The following AP3B1 variants were observed in gnomAD, a reference collection of about 807,000 sequenced individuals.
AP3B1 encodes the protein AP-3 complex subunit beta-1.
In AP3B1, 61 loss-of-function variants were observed where a neutral mutation model predicts 132.5. The observed-to-expected ratio is 0.46, with a 90% CI of 0.37 to 0.57. The LOEUF is 0.57. Among genes scored for constraint, AP3B1 ranks in the 20% least tolerant of loss-of-function variants. The pLI, the probability that AP3B1 is intolerant of heterozygous loss-of-function variation, is 0.00. For missense variants in AP3B1, 1,120 were observed against 1,289.4 expected (o/e 0.87, Z 2.01); for synonymous variants, 388 against 438.3 (o/e 0.89, Z 1.43).
intron 17 of AP3B1, among the ~76,000 whole-genome samples, chr5:78,117,192 T>TA (rs1389457335): frequency 6.6e-6 from 1 of 150,456 alleles, no homozygotes; most frequent in Non-Finnish European, 1.5e-5. Flanking sequence ...TTTTTTTTTT[T>TA]AATCACAGCA....
intron 17 of AP3B1, chr5:78,121,659 T>G (rs959860305): frequency 7.9e-5 from 12 of 152,152 alleles, no homozygotes; most frequent in African/African-American, 2.7e-4. Context: ...AAGTTGAATC[T>G]CTGAATAGAC....
chr5:78,014,000 A>G (rs1170616475), intron 26 of AP3B1, among the ~76,000 whole-genome samples: 2 of 152,126 alleles, frequency 1.3e-5, no homozygotes, highest in East Asian at 1.9e-4. Flanking sequence ...CGTCTCTACT[A>G]AAAATACAAA....
chr5:78,132,877 A>C (rs1752749081), intron 15 of AP3B1, among the ~76,000 whole-genome samples: 1 of 152,234 alleles, frequency 6.6e-6, no homozygotes. Context: ...ACTTTAAAAA[A>C]TATATTGCTG....
chr5:78,234,646 C>T (rs772843162), intron 3 of AP3B1, among the ~76,000 whole-genome samples: 2 of 152,212 alleles, frequency 1.3e-5, no homozygotes, highest in Admixed American at 1.3e-4. Context: ...TTTATCCCAT[C>T]TGCCTGGAAG....
Position 78,181,670 on chromosome 5 carries a change from G to C in AP3B1, c.787-8C>G. 1 of 1,610,098 alleles carries C rather than the reference G, an allele frequency of 6.2e-7. No homozygotes were observed. The highest frequency in any genetic ancestry group is 8.5e-7 in the Non-Finnish European group (1 of 1,178,948). ...GTCTTCTAATTCATCACCCTACAAT[G>C]AAAGAAATCCAACCCAAGATTACTT... On this transcript the variant is annotated splice_region_variant and splice_polypyrimidine_tract_variant and intron_variant, in intron 7 of 26. Transcript: ENST00000255194.
chr5:78,209,429 G>A (rs1180190339), intron 7 of AP3B1, among the ~76,000 whole-genome samples: 2 of 152,130 alleles, frequency 1.3e-5, no homozygotes, highest in Non-Finnish European at 2.9e-5. Flanking sequence ...ATTGATTCCA[G>A]GTCTTCAGAT....
intron 24 of AP3B1, among the ~76,000 whole-genome samples, chr5:78,032,749 T>A (rs1302832888): frequency 6.6e-6 from 1 of 152,052 alleles, no homozygotes; most frequent in Non-Finnish European, 1.5e-5. Context: ...ATAAATAATT[T>A]GTATCTTTAT....
chr5:78,065,282 G>A (rs1365153977), intron 22 of AP3B1, among the ~76,000 whole-genome samples: 1 of 152,144 alleles, frequency 6.6e-6, no homozygotes, highest in African/African-American at 2.4e-5. Flanking sequence ...CTCGGCTGGA[G>A]ACTCCCTGAG....
chr5:78,144,370 T>C (rs1256501891), intron 14 of AP3B1, among the ~76,000 whole-genome samples: 2 of 152,174 alleles, frequency 1.3e-5, no homozygotes, highest in Admixed American at 6.5e-5. Flanking sequence ...ACAGCAGCTA[T>C]AGAAAGACAT....
intron 7 of AP3B1, among the ~76,000 whole-genome samples, chr5:78,190,409 A>C (rs1470909051): frequency 4.6e-5 from 7 of 152,184 alleles, no homozygotes; most frequent in African/African-American, 1.7e-4. Flanking sequence ...CGTTTTTATG[A>C]GGTTAATGAA....
At chr5:78,001,327 G>A (rs1746197902), downstream of AP3B1, 1 of 152,168 alleles carries the variant, frequency 6.6e-6, no homozygotes, top group African/African-American at 2.4e-5. Flanking sequence ...AGGCTAATAT[G>A]GAAATGCCAA....
intron 2 of AP3B1, among the ~76,000 whole-genome samples, chr5:78,255,891 T>C (rs1747827247): frequency 6.6e-6 from 1 of 152,060 alleles, no homozygotes; most frequent in Non-Finnish European, 1.5e-5. Context: ...AATTGCATCT[T>C]CTCTAATCAC....
At chr5:78,010,247 T>C (rs1410964222) in intron 26 of AP3B1, among the ~76,000 whole-genome samples, 2 of 152,134 alleles carry the variant, frequency 1.3e-5, no homozygotes, top group Admixed American at 1.3e-4. Flanking sequence ...CATATAAACA[T>C]AGGAAAAAAT....
chr5:78,086,760 C>A (rs1363111662), intron 22 of AP3B1, among the ~76,000 whole-genome samples: 1 of 152,136 alleles, frequency 6.6e-6, no homozygotes, highest in African/African-American at 2.4e-5. Flanking sequence ...TATTAACATT[C>A]AACTGTCTCA....
At chr5:78,036,465 C>A (rs1262629654) in intron 23 of AP3B1, among the ~76,000 whole-genome samples, 1 of 152,082 alleles carries the variant, frequency 6.6e-6, no homozygotes, top group Non-Finnish European at 1.5e-5. Flanking sequence ...TATAGGATGC[C>A]ATTTACTTTG....
chr5:78,016,462 C>T (rs553601930), intron 25 of AP3B1, among the ~76,000 whole-genome samples: 1 of 152,156 alleles, frequency 6.6e-6, no homozygotes, highest in South Asian at 2.1e-4. Flanking sequence ...TGATATAAGT[C>T]ATAGACATCT....
At chr5:78,230,782 C>T (rs1401168419) in intron 3 of AP3B1, among the ~76,000 whole-genome samples, 1 of 152,174 alleles carries the variant, frequency 6.6e-6, no homozygotes, top group East Asian at 1.9e-4. Flanking sequence ...CTATACTATT[C>T]AGCCACTATA....
At chr5:78,168,590 CTGT>C (rs1743762879) in intron 11 of AP3B1, among the ~76,000 whole-genome samples, 1 of 152,128 alleles carries the variant, frequency 6.6e-6, no homozygotes, top group African/African-American at 2.4e-5. Flanking sequence ...AGAACTGTTG[CTGT>C]TGTTTTTCTG....
chr5:78,051,983 G>A (rs1207850960), intron 22 of AP3B1, among the ~76,000 whole-genome samples: 1 of 151,134 alleles, frequency 6.6e-6, no homozygotes, highest in African/African-American at 2.5e-5. Flanking sequence ...ATTTCATTGA[G>A]GCTAGCATTA....
Sources: allele counts gnomAD v4.1 joint callset (sites outside exome capture counted in the v4.1 genomes callset), GRCh38; gene constraint gnomAD v4.1.1; transcripts MANE v1.5; gene names NCBI Gene and HGNC (gene_info 2026-07-23, HGNC 2026-07-21).